DLGAP2: variants seen among roughly 807,000 people sequenced by gnomAD.
DLGAP2 encodes DLG associated protein 2.
In DLGAP2, 26 loss-of-function variants were observed where a neutral mutation model predicts 100.3. That is an observed-to-expected ratio of 0.26 (90% confidence interval 0.19 to 0.36). DLGAP2 has a LOEUF of 0.36. DLGAP2 is among the 10% of genes least tolerant of loss of function. DLGAP2 has a pLI of 1.00. For synonymous variants in DLGAP2, 886 were observed against 630.1 expected (o/e 1.41, Z -6.08); for missense variants, 1,858 against 1,453.2 (o/e 1.28, Z -4.53).
At chr8:956,953 C>T (rs965224058) in intron 2 of DLGAP2, among the ~76,000 whole-genome samples, 4 of 152,238 alleles carry the variant, frequency 2.6e-5, no homozygotes, top group Non-Finnish European at 4.4e-5. Context: ...CACCTCCCCT[C>T]CTGTTCATCA....
At chr8:1,185,972 C>G (rs1022769060) in intron 2 of DLGAP2, among the ~76,000 whole-genome samples, 1 of 152,140 alleles carries the variant, frequency 6.6e-6, no homozygotes, top group Non-Finnish European at 1.5e-5. Flanking sequence ...TCACCTCCCT[C>G]CAGGAAGTAT....
At chr8:1,653,406 C>T (rs1309765376) in intron 8 of DLGAP2, among the ~76,000 whole-genome samples, 3 of 152,316 alleles carry the variant, frequency 2.0e-5, no homozygotes, top group South Asian at 4.1e-4. Flanking sequence ...CCGGGTATCC[C>T]GTGGCCATCC....
chr8:1,689,508 G>C (rs1799202091), intron 12 of DLGAP2, among the ~76,000 whole-genome samples: 3 of 152,250 alleles, frequency 2.0e-5, no homozygotes, highest in Non-Finnish European at 2.9e-5. Context: ...CAGCCTTGGA[G>C]AGTCAGCTTC....
At chr8:1,695,613 G>A (rs1799377727) in intron 13 of DLGAP2, among the ~76,000 whole-genome samples, 2 of 151,676 alleles carry the variant, frequency 1.3e-5, no homozygotes, top group African/African-American at 4.9e-5. Context: ...TACAGAAAGA[G>A]GGGGCACAGC....
At chr8:829,559 A>C (rs1796743272) in intron 1 of DLGAP2, among the ~76,000 whole-genome samples, 1 of 152,266 alleles carries the variant, frequency 6.6e-6, no homozygotes, top group African/African-American at 2.4e-5. Context: ...AAGGACCTTC[A>C]ATCTTATTCA....
At chr8:1,629,739 G>T (rs1193918930) in intron 7 of DLGAP2, among the ~76,000 whole-genome samples, 1 of 152,240 alleles carries the variant, frequency 6.6e-6, no homozygotes, top group Non-Finnish European at 1.5e-5. Flanking sequence ...GAAGTGCAAA[G>T]TTATCTCATC....
At chr8:1,271,109 C>T (rs1253424781) in intron 3 of DLGAP2, among the ~76,000 whole-genome samples, 6 of 152,084 alleles carry the variant, frequency 3.9e-5, no homozygotes, top group Admixed American at 2.6e-4. Flanking sequence ...GCAAACTAAC[C>T]ATTACCAAAT....
At chr8:930,199 C>G (rs1241715761) in intron 2 of DLGAP2, among the ~76,000 whole-genome samples, 1 of 152,178 alleles carries the variant, frequency 6.6e-6, no homozygotes, top group Non-Finnish European at 1.5e-5. Flanking sequence ...CTACGCAGCC[C>G]CTTGCCTTCC....
At chr8:1,067,555 C>G (rs1224777060) in intron 2 of DLGAP2, among the ~76,000 whole-genome samples, 3 of 151,796 alleles carry the variant, frequency 2.0e-5, no homozygotes, top group African/African-American at 7.3e-5. Context: ...GCAACCATTT[C>G]CATGCCCATT....
intron 3 of DLGAP2, among the ~76,000 whole-genome samples, chr8:1,288,368 CTTGTT>C (rs1799986607): frequency 1.6e-5 from 2 of 124,504 alleles, no homozygotes; most frequent in African/African-American, 3.2e-5. Flanking sequence ...AGGAGGGGAA[CTTGTT>C]TTGGTTCAGT....
At chr8:1,203,014 CCAT>C in intron 2 of DLGAP2, among the ~76,000 whole-genome samples, 1 of 152,312 alleles carries the variant, frequency 6.6e-6, no homozygotes, top group South Asian at 2.1e-4. Context: ...CGCCACCACC[CCAT>C]CCATCTGCCG....
chr8:1,535,581 A>T (rs999082215), intron 4 of DLGAP2, among the ~76,000 whole-genome samples: 2 of 152,194 alleles, frequency 1.3e-5, no homozygotes, highest in African/African-American at 4.8e-5. Flanking sequence ...CATTGTTGGT[A>T]AGATGTGTGA....
intron 3 of DLGAP2, among the ~76,000 whole-genome samples, chr8:1,343,222 G>A (rs974961861): frequency 2.6e-5 from 4 of 152,184 alleles, no homozygotes; most frequent in African/African-American, 9.7e-5. Context: ...AAAGGGCACC[G>A]ATTAAGTCCG....
At chr8:1,127,509 G>C (rs558624565) in intron 2 of DLGAP2, among the ~76,000 whole-genome samples, 3 of 152,262 alleles carry the variant, frequency 2.0e-5, no homozygotes, top group Admixed American at 1.3e-4. Flanking sequence ...TGGCTCCCAG[G>C]CTCATCATTT....
intron 2 of DLGAP2, among the ~76,000 whole-genome samples, chr8:1,178,934 C>T (rs1461695479): frequency 6.6e-6 from 1 of 152,228 alleles, no homozygotes; most frequent in East Asian, 1.9e-4. Context: ...ACACCGGCCT[C>T]TGCACCTGGG....
chr8:1,275,518 G>A (rs917343470), intron 3 of DLGAP2, among the ~76,000 whole-genome samples: 1 of 151,606 alleles, frequency 6.6e-6, no homozygotes. Flanking sequence ...GATGCAGGTG[G>A]AACTCAGAAC....
At chr8:934,441 C>A (rs1445587636) in intron 2 of DLGAP2, among the ~76,000 whole-genome samples, 2 of 152,200 alleles carry the variant, frequency 1.3e-5, no homozygotes, top group Non-Finnish European at 2.9e-5. Flanking sequence ...CTGTCGGAGT[C>A]GATCTATTTC....
At chr8:947,832 T>C (rs1563108767) in intron 2 of DLGAP2, among the ~76,000 whole-genome samples, 1 of 139,166 alleles carries the variant, frequency 7.2e-6, no homozygotes. Flanking sequence ...GTGCCATGGC[T>C]CCCGACCCCG....
At chr8:1,380,088 C>G (rs1796057614) in intron 3 of DLGAP2, 1 of 152,224 alleles carries the variant, frequency 6.6e-6, no homozygotes, top group Admixed American at 6.5e-5. Flanking sequence ...GCTGCCTGTT[C>G]TGGGTCTCAT....
Sources: gnomAD v4.1 joint callset for allele counts (sites outside exome capture counted in the v4.1 genomes callset) on GRCh38, gnomAD v4.1.1 for gene constraint, MANE v1.5 for transcripts, NCBI Gene and HGNC (gene_info 2026-07-23, HGNC 2026-07-21) for gene names.